FRMPD4: variants seen among roughly 807,000 people sequenced by gnomAD.
FRMPD4 encodes the protein FERM and PDZ domain containing 4.
FRMPD4 carries 22 observed loss-of-function variants against 94.1 expected under a neutral mutation model. The ratio of observed to expected loss-of-function variants is 0.23; its 90% CI spans 0.17 to 0.33. The LOEUF is 0.33. FRMPD4 is among the 10% of genes least tolerant of loss of function. FRMPD4 has a pLI of 1.00. For synonymous variants in FRMPD4, 631 were observed against 548.6 expected, an observed-to-expected ratio of 1.15 and a Z score of -2.10; for missense variants, 1,111 against 1,339.9, an observed-to-expected ratio of 0.83 and a Z score of 2.67.
chrX:12,041,596 G>T (rs1476413697), intron 3 of FRMPD4, among the ~76,000 whole-genome samples: 3 of 109,612 alleles, frequency 2.7e-5, no homozygotes, highest in Non-Finnish European at 5.7e-5. Flanking sequence ...TTTGTCTTTG[G>T]CTTTTAGCAG....
intron 14 of FRMPD4, among the ~76,000 whole-genome samples, chrX:12,711,194 C>T (rs1028438887): frequency 3.6e-5 from 4 of 111,558 alleles, no homozygotes; most frequent in Admixed American, 9.4e-5. Flanking sequence ...TGCCCGAACA[C>T]GAGTTGTGAG....
chrX:12,107,314 T>G (rs988379960), intron 3 of FRMPD4, among the ~76,000 whole-genome samples: 6 of 111,468 alleles, frequency 5.4e-5, no homozygotes, highest in African/African-American at 2.0e-4. Context: ...TCCAGCAAAC[T>G]CCAACAGACC....
Position 11,863,741 on chromosome X carries a change from T to A in FRMPD4, c.-160-1345T>A, listed in dbSNP as rs143089779. Among the ~76,000 whole-genome samples the A allele has an allele frequency of 5.8e-3, 655 of 112,197 alleles. 3 individuals carry two copies. The highest frequency in any genetic ancestry group is 7.4e-3 in the Non-Finnish European group (396 of 53,194). On this transcript the variant is annotated intron_variant, in intron 1 of 18. Coordinates refer to the FRMPD4 transcript ENST00000640291. ...GTGCTTCTGAGGTAAAAAGAATTGA[T>A]GTCTTAAATGCTTGATGAATATAGC...
At chrX:12,713,060 C>T (rs2147162306) in intron 14 of FRMPD4, among the ~76,000 whole-genome samples, 1 of 104,733 alleles carries the variant, frequency 9.5e-6, no homozygotes, top group Admixed American at 1.1e-4. Flanking sequence ...TCCAGGCTGG[C>T]TGACAAAGCA....
rs750499684 is a variant in FRMPD4 at position 12,718,609 on chromosome X, AGAG to A, written c.3787_3789del (p.Glu1263del). ...GGAAAGGCGTGAATTACATTCCTTC[AGAG>A]GAGAGAGCCCCTGGGCTTCCCAACC... is the stretch of plus-strand genomic sequence containing the variant. On this transcript the variant is annotated inframe_deletion, in exon 16 of 17. Transcript: ENST00000675598. The A allele has an allele frequency of 9.9e-6, 12 of 1,210,847 alleles. No homozygotes were observed. Among genetic ancestry groups the A allele is most frequent in the Admixed American group, 2.2e-5 (1 of 46,059 alleles).
In FRMPD4 at chrX:12,419,653, T is replaced by A. The variant is rs767218676; in HGVS notation, c.42-79027T>A. Among the ~76,000 whole-genome samples, 4 of 111,293 alleles carry A rather than the reference T, an allele frequency of 3.6e-5. No individual in the cohort carries two copies. The East Asian group carries it at 1.1e-3, about 31-fold the overall frequency. Reference sequence around the variant, plus strand: ...TCTAAAACTCCCCAACCCAGTCAAATCTGGCTTCTGCCCATATCAGTTCAC... The same window carrying A: ...TCTAAAACTCCCCAACCCAGTCAAAACTGGCTTCTGCCCATATCAGTTCAC... On this transcript the variant is annotated intron_variant, in intron 1 of 16. Coordinates refer to ENST00000675598, the MANE Select transcript of FRMPD4 (RefSeq NM_001368397.1).
chrX:12,166,310 A>G (rs1316872588), intron 1 of FRMPD4, among the ~76,000 whole-genome samples: 1 of 111,897 alleles, frequency 8.9e-6, no homozygotes, highest in African/African-American at 3.3e-5. Flanking sequence ...TGAGATAATC[A>G]TGTGGTTTTT....
At chrX:11,838,441 A>C (rs1225178271) in intron 1 of FRMPD4, among the ~76,000 whole-genome samples, 1 of 111,851 alleles carries the variant, frequency 8.9e-6, no homozygotes, top group Admixed American at 9.5e-5. Context: ...TGGCAAAAAC[A>C]AACCATATAA....
At chrX:12,044,647 C>G (rs975721501) in intron 3 of FRMPD4, among the ~76,000 whole-genome samples, 2 of 111,884 alleles carry the variant, frequency 1.8e-5, no homozygotes, top group Non-Finnish European at 3.8e-5. Flanking sequence ...GTGTCAGACA[C>G]TAATCAAGTC....
At chrX:12,647,374 GA>G (rs751936480) in intron 4 of FRMPD4, among the ~76,000 whole-genome samples, 1 of 112,099 alleles carries the variant, frequency 8.9e-6, no homozygotes, top group East Asian at 2.8e-4. Context: ...GGAGTTCCAG[GA>G]TCAGTGTAGA....
intron 1 of FRMPD4, among the ~76,000 whole-genome samples, chrX:12,281,623 C>T (rs2054527465): frequency 9.0e-6 from 1 of 111,459 alleles, no homozygotes; most frequent in Non-Finnish European, 1.9e-5. Flanking sequence ...GATCTGCCTA[C>T]CTTGGCCTCC....
rs772515277 is a variant in FRMPD4 at position 12,141,540 on chromosome X, A to G, written c.41+2528A>G. Among the ~76,000 whole-genome samples the G allele has an allele frequency of 3.6e-5, 4 of 110,416 alleles. No homozygotes were observed. The South Asian group carries it at 1.6e-3, about 45-fold the overall frequency. On this transcript the variant is annotated intron_variant, in intron 1 of 16. Transcript: ENST00000675598. ...GAATCTATACCCTTTTAATCGTGGG[A>G]AAAATCAGAATTGACAGTGCCCCTC...
At chrX:12,179,301 T>C (rs1453296714) in intron 1 of FRMPD4, among the ~76,000 whole-genome samples, 3 of 111,047 alleles carry the variant, frequency 2.7e-5, no homozygotes, top group Admixed American at 1.9e-4. Flanking sequence ...GCAATTCAGA[T>C]GACCAGCCCA....
At chrX:11,913,437 G>T (rs2054007371) in intron 3 of FRMPD4, among the ~76,000 whole-genome samples, 1 of 112,130 alleles carries the variant, frequency 8.9e-6, no homozygotes, top group Non-Finnish European at 1.9e-5. Flanking sequence ...CAGAGCCATG[G>T]TCATTATGAT....
intron 14 of FRMPD4, among the ~76,000 whole-genome samples, chrX:12,714,328 A>C (rs2042040679): frequency 9.0e-6 from 1 of 111,390 alleles, no homozygotes; most frequent in South Asian, 3.8e-4. Flanking sequence ...GGCCGCCAGC[A>C]TTCCTTGTGG....
At chrX:12,270,958 T>G (rs1409486523) in intron 1 of FRMPD4, among the ~76,000 whole-genome samples, 1 of 112,160 alleles carries the variant, frequency 8.9e-6, no homozygotes, top group Non-Finnish European at 1.9e-5. Context: ...TTGCAATTTC[T>G]TGTATGTCTA....
At chrX:12,098,123 T>C (rs2055222054) in intron 3 of FRMPD4, among the ~76,000 whole-genome samples, 1 of 112,297 alleles carries the variant, frequency 8.9e-6, no homozygotes, top group South Asian at 3.7e-4. Flanking sequence ...GACACTAGAA[T>C]GGCATTTGTT....
chrX:12,175,169 T>C (rs1426486255), intron 1 of FRMPD4, among the ~76,000 whole-genome samples: 3 of 112,007 alleles, frequency 2.7e-5, no homozygotes, highest in African/African-American at 6.5e-5. Context: ...AGTTTTCTGA[T>C]GAAAAAACAA....
chrX:12,629,983 G>T (rs912504948), intron 4 of FRMPD4, among the ~76,000 whole-genome samples: 2 of 112,553 alleles, frequency 1.8e-5, no homozygotes, highest in African/African-American at 3.2e-5. Flanking sequence ...TAAGACTCAG[G>T]GTTTGTAAAC....
Sources: allele counts gnomAD v4.1 joint callset (sites outside exome capture counted in the v4.1 genomes callset), GRCh38; gene constraint gnomAD v4.1.1; transcripts MANE v1.5; gene names NCBI Gene and HGNC (gene_info 2026-07-23, HGNC 2026-07-21).